The following ATP13A1 variants were observed in gnomAD, a reference collection of about 807,000 sequenced individuals.
The protein encoded by ATP13A1 is endoplasmic reticulum transmembrane helix translocase.
ATP13A1 carries 55 observed loss-of-function variants against 134.8 expected under a neutral mutation model. The ratio of observed to expected loss-of-function variants is 0.41; its 90% confidence interval spans 0.33 to 0.51. The LOEUF is 0.51. ATP13A1 is among the 20% of genes least tolerant of loss of function. The pLI is 0.29. For missense variants in ATP13A1, 1,389 were observed against 1,652.8 expected, an observed-to-expected ratio of 0.84 and a Z score of 2.77; for synonymous variants, 775 against 725.1, an observed-to-expected ratio of 1.07 and a Z score of -1.10.
chr19:19,663,358 C>T lies in ATP13A1; in HGVS notation c.309G>A (p.Val103=). The part of the protein sequence containing the change: ...WVQIPEAALL[V]LATICLAHAL... ...CGTGCGCGAGGCAGATGGTGGCAAG[C>T]ACGAGCAGCGCAGCTTCGGGGATCT... Residue 103 remains valine (V), a synonymous_variant, in exon 1 of 26, where the codon GTG becomes GTA. Coordinates refer to ENST00000357324, the MANE Select transcript of ATP13A1 (RefSeq NM_020410.3). 6.3e-7 allele frequency: 1 copy of T among 1,591,892 alleles called. No individual in the cohort carries two copies. Among genetic ancestry groups the T allele is most frequent in the Non-Finnish European group, 8.5e-7 (1 of 1,170,530 alleles).
In ATP13A1 at chr19:19,653,759, A is replaced by G; in HGVS notation, c.2100+25T>C. On this transcript the variant is annotated intron_variant, in intron 15 of 25. Coordinates refer to ENST00000357324, the MANE Select transcript of ATP13A1 (RefSeq NM_020410.3). The surrounding 1 kb of genome is among the most constrained non-coding windows in gnomAD (Gnocchi z 4.2). The stretch of plus-strand genomic sequence containing the variant: ...AGCTGACGGGCCAGGCACATGGTGA[A>G]GGCAGGGGGAGCCTGGGCCCGTACC... 6.6e-7 allele frequency: 1 copy of G among 1,524,958 alleles called. No individual in the cohort carries two copies. Among genetic ancestry groups the G allele is most frequent in the Non-Finnish European group, 8.9e-7 (1 of 1,124,420 alleles). 94.5% of individuals were successfully genotyped at this position (1,524,958 alleles called of 1,614,324 possible). A position where few individuals can be genotyped will look rare whatever the true frequency, so the allele number is the denominator to read the frequency against.
In ATP13A1 at chr19:19,653,910, G is replaced by A. The variant is rs371086081; in HGVS notation, c.1990-16C>T. ...ACTGGGAGAACTGCAGGGAATGCAGGGGGATGTCACGGGCTGCCCCGCGCC... is the reference window on the plus strand; with the variant it reads ...ACTGGGAGAACTGCAGGGAATGCAGAGGGATGTCACGGGCTGCCCCGCGCC... On this transcript the variant is annotated splice_polypyrimidine_tract_variant and intron_variant, in intron 14 of 25. Coordinates refer to ENST00000357324, the MANE Select transcript of ATP13A1 (RefSeq NM_020410.3). The surrounding 1 kb of genome is among the most constrained non-coding windows in gnomAD (Gnocchi z 4.2). 1.2e-3 allele frequency: 1,913 copies of A among 1,568,108 alleles called. 5 individuals are homozygous for A. The highest frequency in any genetic ancestry group is 1.1e-3 in the Non-Finnish European group (1,230 of 1,157,200).
chr19:19,653,005 A>G lies in ATP13A1; in HGVS notation c.2101-285T>C. ...AGAGTCCCTTGTGGCTCAGCTTCCAAGTCAATGAAGTAGGGACTCTCCCAA... is the reference window on the plus strand; with the variant it reads ...AGAGTCCCTTGTGGCTCAGCTTCCAGGTCAATGAAGTAGGGACTCTCCCAA... On this transcript the variant is annotated intron_variant, in intron 15 of 25. Coordinates refer to ENST00000357324, the MANE Select transcript of ATP13A1 (RefSeq NM_020410.3). The surrounding 1 kb of genome is among the most constrained non-coding windows in gnomAD (Gnocchi z 4.2). 2 of 417,448 alleles carry G rather than the reference A, an allele frequency of 4.8e-6. No individual in the cohort carries two copies. The highest frequency in any genetic ancestry group is 2.9e-5 in the South Asian group (1 of 34,762). 25.9% of individuals were successfully genotyped at this position (417,448 alleles called of 1,614,324 possible). A position where few individuals can be genotyped will look rare whatever the true frequency, so the allele number is the denominator to read the frequency against.
intron 19 of ATP13A1, 121 bp downstream of exon 19, chr19:19,649,446 C>G (rs1260539051): frequency 9.5e-7 from 1 of 1,051,808 alleles, no homozygotes; most frequent in Non-Finnish European, 1.4e-6. Flanking sequence ...CACCCCCTCC[C>G]ATCCTCACAG....
Position 19,656,741 on chromosome 19 carries a change from C to T in ATP13A1, c.1002G>A (p.Val334=). The T allele has an allele frequency of 1.2e-6, 2 of 1,613,776 alleles. No homozygotes were observed. The highest frequency in any genetic ancestry group is 8.5e-7 in the Non-Finnish European group (1 of 1,179,870). Residue 334 remains valine (V), a synonymous_variant, in exon 7 of 26, where the codon GTG becomes GTA. Transcript: ENST00000357324. The surrounding 1 kb of genome is among the most constrained non-coding windows in gnomAD (Gnocchi z 4.6). Reference sequence around the variant, plus strand: ...CTCGCAGCAGAAGCACGTCACATGGCACCAGGTTCTCCTGTGGGGAGCGGC... The same window carrying T: ...CTCGCAGCAGAAGCACGTCACATGGTACCAGGTTCTCCTGTGGGGAGCGGC... ...SIGRSPQENL[V]PCDVLLLRGR...
Position 19,645,330 on chromosome 19 carries a change from G to A in ATP13A1, c.*92C>T, listed in dbSNP as rs996239495. The A allele has an allele frequency of 7.4e-7, 1 of 1,354,448 alleles. No homozygotes were observed. The highest frequency in any genetic ancestry group is 1.3e-5 in the South Asian group (1 of 76,448). 83.9% of individuals were successfully genotyped at this position (1,354,448 alleles called of 1,614,324 possible). Reference sequence around the variant, plus strand: ...GGGCGAGACTGTACAGCCTTGCTGTGGGGGGTTGGGGGCAGGGTTCCCTCC... The same window carrying A: ...GGGCGAGACTGTACAGCCTTGCTGTAGGGGGTTGGGGGCAGGGTTCCCTCC... On this transcript the variant is annotated 3_prime_UTR_variant, in exon 26 of 26. Transcript: ENST00000357324. This position sits in a 1 kb window ranked among gnomAD's most constrained non-coding sequence, Gnocchi z 4.1.
At position 19,659,489 on chromosome 19, in the gene ATP13A1, G is replaced by GTAAA. The variant is rs1385324927; in HGVS notation, c.677+108_677+111dup. On this transcript the variant is annotated intron_variant, in intron 3 of 25. Coordinates refer to ENST00000357324, the MANE Select transcript of ATP13A1 (RefSeq NM_020410.3). ...AAAATAAAATAAAAATAAAATAATA[G>GTAAA]TAAATAAATAAATAAAAGGGCAGAT... The GTAAA allele has an allele frequency of 2.9e-5, 16 of 548,734 alleles. No individual in the cohort carries two copies. The Admixed American group carries it at 3.9e-4, about 13-fold the overall frequency. The allele number at this position is 548,734 out of a possible 1,614,324, so 34.0% of individuals were successfully genotyped here.
chr19:19,652,880 G>A (rs535999119), intron 15 of ATP13A1, 160 bp from the exon 16 acceptor site: 598 of 1,057,114 alleles, frequency 5.7e-4, no homozygotes, highest in East Asian at 3.4e-3. Flanking sequence ...ATGCCAGGAG[G>A]GTACCAGGCA....
Position 19,656,756 on chromosome 19 carries a change from T to G in ATP13A1, c.987A>C (p.Pro329=), listed in dbSNP as rs763746330. The change falls in exon 7 of 26, where the codon CCA becomes CCC. Residue 329 remains proline, a synonymous_variant. Transcript: ENST00000357324. The surrounding 1 kb of genome is among the most constrained non-coding windows in gnomAD (Gnocchi z 4.6). ...PGDIVSIGRS[P]QENLVPCDVL... ...CGTCACATGGCACCAGGTTCTCCTG[T>G]GGGGAGCGGCCTGCAGGGCAGAGGC... 6.2e-7 allele frequency: 1 copy of G among 1,613,596 alleles called. No individual in the cohort carries two copies. The highest frequency in any genetic ancestry group is 1.1e-5 in the South Asian group (1 of 91,070).
chr19:19,646,572 C>T (rs1029134084), intron 22 of ATP13A1: 2 of 590,698 alleles, frequency 3.4e-6, no homozygotes, highest in South Asian at 2.0e-5. Context: ...TCCAGGCTCC[C>T]CATGGCAGCC....
chr19:19,645,798 G>A lies in ATP13A1; in HGVS notation c.3361-8C>T, dbSNP rs1214359566. The A allele has an allele frequency of 8.1e-7, 1 of 1,234,096 alleles. No individual in the cohort carries two copies. The highest frequency in any genetic ancestry group is 1.9e-5 in the Admixed American group (1 of 51,926). 76.4% of individuals were successfully genotyped at this position (1,234,096 alleles called of 1,614,324 possible). On this transcript the variant is annotated splice_region_variant and splice_polypyrimidine_tract_variant and intron_variant, in intron 24 of 25. Coordinates refer to ENST00000357324, the MANE Select transcript of ATP13A1 (RefSeq NM_020410.3). This position sits in a 1 kb window ranked among gnomAD's most constrained non-coding sequence, Gnocchi z 4.1. Reference sequence around the variant, plus strand: ...CTCCATGAAGGGCGGGCCCTGTGGGGATGAGGGACAGATGGCTTCATGGGG... The same window carrying A: ...CTCCATGAAGGGCGGGCCCTGTGGGAATGAGGGACAGATGGCTTCATGGGG...
intron 17 of ATP13A1, 182 bp downstream of exon 17, chr19:19,651,507 C>T (rs535415054): frequency 1.2e-5 from 6 of 498,072 alleles, no homozygotes; most frequent in African/African-American, 7.9e-5. Flanking sequence ...CTGGGACCTG[C>T]GACCCAGTGA....
At chr19:19,657,535 C>T (rs1213014081) in intron 3 of ATP13A1, 127 bp from the exon 4 acceptor site, 17 of 944,358 alleles carry the variant, frequency 1.8e-5, no homozygotes, top group Non-Finnish European at 2.6e-5. Flanking sequence ...ATGTGGGCGT[C>T]GGGAGCCCTG....
rs1417040017 is a variant in ATP13A1, at chr19:19,649,933, C to A, written c.2343G>T (p.Gln781His). The A allele has an allele frequency of 6.3e-6, 10 of 1,589,922 alleles. No individual in the cohort carries two copies. The East Asian group carries it at 2.2e-4, about 36-fold the overall frequency. ...ILQPPSEKGR[Q>H]CEWRSIDGSI... ...TGCCGTCAATGGAGCGCCACTCGCA[C>A]TGCCGGCCTGCGGGCAGCACCTAGG... Residue 781 changes from glutamine (Q) to histidine (H), a missense_variant, in exon 18 of 26, where the codon CAG (glutamine) becomes CAT (histidine). Physicochemically the swap from Gln to His is conservative, Grantham distance 24 (BLOSUM62 0). This residue lies in a region of ATP13A1 where 747 missense variants were observed against 956.1 expected (regional missense o/e 0.78). Coordinates refer to ENST00000357324, the MANE Select transcript of ATP13A1 (RefSeq NM_020410.3).
At chr19:19,661,112 AAAAAACAAAACAAAAACAAAAACAAC>A in intron 1 of ATP13A1, among the ~76,000 whole-genome samples, 1 of 151,782 alleles carries the variant, frequency 6.6e-6, no homozygotes, top group East Asian at 1.9e-4. Context: ...AAAAAACCCC[AAAAAACAAAACAAAAACAAAAACAAC>A]AACAAAAAAA....
rs940029420 is a variant in ATP13A1 at position 19,660,896 on chromosome 19, T to C, written c.397-909A>G. ...GAGTTTGAGACCAGCCTGGCCAATATGGTGAAACCCCGTCTCTACTAAAAA... is the reference window on the plus strand; with the variant it reads ...GAGTTTGAGACCAGCCTGGCCAATACGGTGAAACCCCGTCTCTACTAAAAA... On this transcript the variant is annotated intron_variant, in intron 1 of 25. Transcript: ENST00000357324. 4.6e-5 allele frequency among the ~76,000 whole-genome samples: 7 copies of C among 150,570 alleles called. No individual in the cohort carries two copies. In the East Asian group the frequency reaches 1.4e-3, roughly 30 times the overall value.
intron 3 of ATP13A1, among the ~76,000 whole-genome samples, chr19:19,658,230 T>C (rs1382735793): frequency 6.7e-6 from 1 of 148,988 alleles, no homozygotes; most frequent in Non-Finnish European, 1.5e-5. Flanking sequence ...CTCTGTGCCA[T>C]AGTCCAATCT....
In ATP13A1 at chr19:19,655,973, C is replaced by G; in HGVS notation, c.1214-40G>C. On this transcript the variant is annotated intron_variant, in intron 8 of 25. Transcript: ENST00000357324. This position sits in a 1 kb window ranked among gnomAD's most constrained non-coding sequence, Gnocchi z 5.7. ...AGAGTCACCGTCATGCCTGTCTCCT[C>G]GTCCTGACTCCCTCATGATCAAGCA... 1 of 1,607,996 alleles carries G rather than the reference C, an allele frequency of 6.2e-7. No homozygotes were observed. Among genetic ancestry groups the G allele is most frequent in the Non-Finnish European group, 8.5e-7 (1 of 1,178,724 alleles).
chr19:19,646,438 G>A (rs967751842), intron 22 of ATP13A1, 91 bp from the exon 23 acceptor site: 32 of 1,476,384 alleles, frequency 2.2e-5, no homozygotes, highest in South Asian at 6.0e-5. Context: ...CCTGCCTCCC[G>A]GGAGACCTTG....
Sources: allele counts gnomAD v4.1 joint callset (sites outside exome capture counted in the v4.1 genomes callset), GRCh38; gene constraint gnomAD v4.1.1; regional missense constraint gnomAD v4.1.1; non-coding constraint Gnocchi (gnomAD v3.1); transcripts MANE v1.5; gene names NCBI Gene and HGNC (gene_info 2026-07-23, HGNC 2026-07-21).